KDM4C: variants seen among roughly 807,000 people sequenced by gnomAD.
KDM4C encodes lysine demethylase 4C.
KDM4C carries 81 observed loss-of-function variants against 129.3 expected under a neutral mutation model. The observed-to-expected ratio is 0.63, with a 90% confidence interval of 0.52 to 0.75. The LOEUF (loss-of-function observed/expected upper bound fraction) is 0.75. KDM4C is among the 30% of genes least tolerant of loss of function. KDM4C has a pLI of 0.00. For missense variants in KDM4C, 1,457 were observed against 1,304.0 expected (o/e 1.12, Z -1.81); for synonymous variants, 573 against 456.1 (o/e 1.26, Z -3.26).
In KDM4C at chr9:6,889,211, TTGTGTGTGTG is replaced by T. The variant is rs34443147; in HGVS notation, c.783+1179_783+1188del. On this transcript the variant is annotated intron_variant, in intron 7 of 21. Transcript: ENST00000381309. ...TTAGGTTCTTACTGTGGCCTTCTTT[TTGTGTGTGTG>T]TGTGTGTGTGTGTGTGTGTGTGTGT... Among the ~76,000 whole-genome samples, 124 of 61,614 alleles carry T rather than the reference TTGTGTGTGTG, an allele frequency of 2.0e-3. 1 individual carries two copies. The highest frequency in any genetic ancestry group is 7.5e-3 in the African/African-American group (112 of 15,014). The allele number at this position is 61,614 out of a possible 152,430, so 40.4% of individuals were successfully genotyped here. A position where few individuals can be genotyped will look rare whatever the true frequency, so the allele number is the denominator to read the frequency against.
At chr9:6,870,278 T>C (rs577679441) in intron 5 of KDM4C, among the ~76,000 whole-genome samples, 2 of 152,190 alleles carry the variant, frequency 1.3e-5, no homozygotes, top group Admixed American at 1.3e-4. Flanking sequence ...GGGGGGTTTT[T>C]CCCTTGGAGG....
chr9:6,814,178 CA>C (rs1208262366), intron 3 of KDM4C, among the ~76,000 whole-genome samples: 1 of 152,126 alleles, frequency 6.6e-6, no homozygotes, highest in Non-Finnish European at 1.5e-5. Flanking sequence ...TTAATATATT[CA>C]GCATTTACCA....
intron 8 of KDM4C, among the ~76,000 whole-genome samples, chr9:6,921,720 G>A (rs937708521): frequency 6.6e-6 from 1 of 151,816 alleles, no homozygotes; most frequent in South Asian, 2.1e-4. Context: ...TTCCCATCTC[G>A]CTTCCATTAA....
intron 3 of KDM4C, among the ~76,000 whole-genome samples, chr9:6,813,939 A>G (rs898044071): frequency 1.3e-4 from 20 of 152,122 alleles, no homozygotes; most frequent in Non-Finnish European, 1.3e-4. Context: ...TTACTAGTTG[A>G]TGGATATAAA....
At chr9:7,088,272 G>A (rs1285241970) in intron 17 of KDM4C, among the ~76,000 whole-genome samples, 1 of 152,188 alleles carries the variant, frequency 6.6e-6, no homozygotes, top group African/African-American at 2.4e-5. Flanking sequence ...CCCTGGAATG[G>A]GACCTAGGAG....
At chr9:6,757,470 C>T (rs1185150205), upstream of KDM4C, among the ~76,000 whole-genome samples, 1 of 152,236 alleles carries the variant, frequency 6.6e-6, no homozygotes, top group Admixed American at 6.5e-5. Context: ...TTCGGGATCT[C>T]CCATTGTGGG....
rs1488831245 is a variant in KDM4C at position 6,981,077 on chromosome 9, A to G, written c.1074A>G (p.Ala358=). Residue 358 remains alanine, a synonymous_variant, in exon 9 of 22, where the codon GCA becomes GCG. Coordinates refer to ENST00000381309, the MANE Select transcript of KDM4C (RefSeq NM_015061.6). ...PTPASTPEVK[A]WLQRRRKVRK... is the part of the protein sequence containing the mutation. Reference sequence around the variant, plus strand: ...CAGCATCCACCCCTGAAGTAAAAGCATGGCTGCAGAGGAGGAGGAAAGTAA... The same window carrying G: ...CAGCATCCACCCCTGAAGTAAAAGCGTGGCTGCAGAGGAGGAGGAAAGTAA... 1.6e-5 allele frequency: 26 copies of G among 1,613,530 alleles called. No individual in the cohort carries two copies. Among genetic ancestry groups the G allele is most frequent in the Non-Finnish European group, 1.9e-5 (23 of 1,179,728 alleles).
chr9:6,927,407 G>C (rs547398284), intron 8 of KDM4C, among the ~76,000 whole-genome samples: 2 of 152,172 alleles, frequency 1.3e-5, no homozygotes, highest in Non-Finnish European at 2.9e-5. Flanking sequence ...TGGGATTATA[G>C]GTGTGAGCTA....
intron 1 of KDM4C, among the ~76,000 whole-genome samples, chr9:6,765,662 G>A (rs755632326): frequency 6.6e-6 from 1 of 152,110 alleles, no homozygotes; most frequent in East Asian, 1.9e-4. Context: ...CAAAAATGAA[G>A]GAACTGTAAA....
chr9:6,808,161 C>G (rs1284247941), intron 3 of KDM4C, among the ~76,000 whole-genome samples: 1 of 62,932 alleles, frequency 1.6e-5, no homozygotes, highest in African/African-American at 1.1e-4. Context: ...TGAGGAGCTC[C>G]TCTGCCCGGC....
intron 15 of KDM4C, among the ~76,000 whole-genome samples, chr9:7,041,334 G>A (rs144774294): frequency 8.8e-4 from 134 of 152,086 alleles, no homozygotes; most frequent in African/African-American, 3.2e-3. Flanking sequence ...CAGATACTAA[G>A]CTGTTTTATA....
intron 8 of KDM4C, among the ~76,000 whole-genome samples, chr9:6,934,491 A>T (rs1589186101): frequency 7.0e-6 from 1 of 141,882 alleles, no homozygotes; most frequent in East Asian, 2.0e-4. Flanking sequence ...AAAAAAAAAA[A>T]TTGGATAATT....
chr9:6,951,869 T>C (rs7868655), intron 8 of KDM4C, among the ~76,000 whole-genome samples: 90,849 of 152,068 alleles, frequency 0.6, 29,164 homozygotes, highest in East Asian at 0.92. Context: ...ATTATTTAAA[T>C]GACACGTTAT....
chr9:6,866,906 T>C lies in KDM4C; in HGVS notation c.630-13106T>C, dbSNP rs371410345. 9.7e-5 allele frequency among the ~76,000 whole-genome samples: 8 copies of C among 82,060 alleles called. No homozygotes were observed. In the South Asian group the frequency reaches 4.1e-3, roughly 42 times the overall value. 53.8% of individuals were successfully genotyped at this position (82,060 alleles called of 152,430 possible). A position where few individuals can be genotyped will look rare whatever the true frequency, so the allele number is the denominator to read the frequency against. ...ACTTGGTGCTGTATATATATATACA[T>C]ATATATATATATATATAGAAAAATG... is the stretch of plus-strand genomic sequence containing the variant. On this transcript the variant is annotated intron_variant, in intron 5 of 21. Transcript: ENST00000381309.
intron 1 of KDM4C, among the ~76,000 whole-genome samples, chr9:6,738,394 G>A (rs1024962800): frequency 2.0e-5 from 3 of 152,154 alleles, no homozygotes; most frequent in Non-Finnish European, 4.4e-5. Flanking sequence ...AGAATCGCTT[G>A]AACCTGGGAG....
At chr9:6,775,562 G>T (rs1254663764) in intron 1 of KDM4C, among the ~76,000 whole-genome samples, 1 of 151,348 alleles carries the variant, frequency 6.6e-6, no homozygotes, top group African/African-American at 2.4e-5. Context: ...CGTTCTTATT[G>T]CCCAGGCTGG....
intron 15 of KDM4C, among the ~76,000 whole-genome samples, chr9:7,037,550 A>T (rs922845382): frequency 1.3e-5 from 2 of 152,190 alleles, no homozygotes; most frequent in Non-Finnish European, 2.9e-5. Context: ...ATGAATTGCT[A>T]TGCTAACTTT....
intron 2 of KDM4C, 144 bp from the exon 3 acceptor site, chr9:6,805,455 A>T (rs1829787608): frequency 1.6e-6 from 1 of 607,760 alleles, no homozygotes; most frequent in Non-Finnish European, 2.7e-6. Context: ...CTTTATTGCA[A>T]ATATTCATCT....
intron 1 of KDM4C, among the ~76,000 whole-genome samples, chr9:6,735,836 G>A (rs1207086050): frequency 6.6e-6 from 1 of 152,176 alleles, no homozygotes; most frequent in African/African-American, 2.4e-5. Context: ...TGGGTAACAG[G>A]CAGAGATTGG....
Sources: allele counts gnomAD v4.1 joint callset (sites outside exome capture counted in the v4.1 genomes callset), GRCh38; gene constraint gnomAD v4.1.1; transcripts MANE v1.5; gene names NCBI Gene and HGNC (gene_info 2026-07-23, HGNC 2026-07-21).